CIAO2A: variants seen among roughly 807,000 people sequenced by gnomAD.
The protein encoded by CIAO2A is MIP18 family protein FAM96A.
Under a neutral mutation model 22.4 loss-of-function variants are expected in CIAO2A, and 17 were observed. That is an observed-to-expected ratio of 0.76 (90% CI 0.52 to 1.14). The LOEUF (loss-of-function observed/expected upper bound fraction) is 1.14, where lower values mean the gene tolerates loss of function less well. CIAO2A is among the 50% of genes most tolerant of loss of function. CIAO2A has a pLI of 0.00. For synonymous variants in CIAO2A, 74 were observed against 72.3 expected, an observed-to-expected ratio of 1.02 and a Z score of -0.12; for missense variants, 192 against 191.4, an observed-to-expected ratio of 1.00 and a Z score of -0.02.
At chr15:64,080,360 C>T (rs1460525126) in intron 3 of CIAO2A, among the ~76,000 whole-genome samples, 3 of 151,832 alleles carry the variant, frequency 2.0e-5, no homozygotes, top group Non-Finnish European at 2.9e-5. Context: ...TGCACTCCAG[C>T]CTGGCGACAG....
chr15:64,083,648 TA>T lies in CIAO2A; in HGVS notation c.290-2498del, dbSNP rs1157445100. On this transcript the variant is annotated intron_variant, in intron 2 of 4. Coordinates refer to ENST00000300030, the MANE Select transcript of CIAO2A (RefSeq NM_032231.7). ...TATGATACACTATTATACAATTCTC[TA>T]AAAAACCAATAGGCCGGGTGTGGCA... 1.3e-5 allele frequency among the ~76,000 whole-genome samples: 2 copies of T among 151,986 alleles called. 1 individual carries two copies. Among genetic ancestry groups the T allele is most frequent in the African/African-American group, 4.8e-5 (2 of 41,380 alleles).
rs2080817029 is a variant in CIAO2A at position 64,088,746 on chromosome 15, T to C, written c.230A>G (p.Tyr77Cys). The change falls in exon 2 of 5, where the codon TAT becomes TGT. Residue 77 changes from tyrosine (Y) to cysteine (C), a missense_variant. By Grantham distance (194) the Tyr-to-Cys change is radical (BLOSUM62 -2). Coordinates refer to ENST00000300030, the MANE Select transcript of CIAO2A (RefSeq NM_032231.7). Reference protein sequence around the residue: ...VEVQEINEEEYLVIIRFTPTV... With the variant: ...VEVQEINEEECLVIIRFTPTV... ...TGGCGTGAACCTGATAATAACCAGA[T>C]ATTCTTCTTCATTTATCTCCTGAAC... 6.2e-7 allele frequency: 1 copy of C among 1,613,886 alleles called. No homozygotes were observed. The highest frequency in any genetic ancestry group is 1.3e-5 in the African/African-American group (1 of 74,918).
At chr15:64,084,373 G>T (rs1311880600) in intron 2 of CIAO2A, among the ~76,000 whole-genome samples, 1 of 152,012 alleles carries the variant, frequency 6.6e-6, no homozygotes, top group African/African-American at 2.4e-5. Flanking sequence ...TCCAGATAGG[G>T]ATTTACCAAT....
rs1009288462 is a variant in CIAO2A at position 64,072,902 on chromosome 15, T to C, written c.*29A>G. ...GAGTTTAAACAAATATATCAAACAA[T>C]TACAGGCCAGTGGCTCTTAAAACAG... On this transcript the variant is annotated 3_prime_UTR_variant, in exon 5 of 5. Coordinates refer to ENST00000300030, the MANE Select transcript of CIAO2A (RefSeq NM_032231.7). 1 of 1,414,942 alleles carries C rather than the reference T, an allele frequency of 7.1e-7. No homozygotes were observed. The highest frequency in any genetic ancestry group is 1.0e-6 in the Non-Finnish European group (1 of 1,001,872). The allele number at this position is 1,414,942 out of a possible 1,614,324, so 87.6% of individuals were successfully genotyped here. A position where few individuals can be genotyped will look rare whatever the true frequency, so the allele number is the denominator to read the frequency against.
chr15:64,081,664 G>A (rs899607633), intron 2 of CIAO2A, among the ~76,000 whole-genome samples: 2 of 151,178 alleles, frequency 1.3e-5, no homozygotes, highest in Non-Finnish European at 2.9e-5. Context: ...AGCCTCCCAA[G>A]TAGCTGGGAT....
chr15:64,092,476 C>G (rs2080848079), intron 1 of CIAO2A, among the ~76,000 whole-genome samples: 1 of 152,146 alleles, frequency 6.6e-6, no homozygotes, highest in Admixed American at 6.6e-5. Context: ...AGTCTACAGC[C>G]TTCTATTACA....
At chr15:64,086,876 G>A (rs2140113947) in intron 2 of CIAO2A, among the ~76,000 whole-genome samples, 1 of 151,716 alleles carries the variant, frequency 6.6e-6, no homozygotes, top group East Asian at 2.0e-4. Flanking sequence ...GCCTCCCAAA[G>A]TGCTGGGATT....
intron 3 of CIAO2A, among the ~76,000 whole-genome samples, chr15:64,078,551 G>A (rs1048788930): frequency 2.6e-5 from 4 of 150,976 alleles, no homozygotes; most frequent in East Asian, 2.0e-4. Context: ...CAGGATAATC[G>A]CTTGAACCCA....
At chr15:64,081,221 A>G (rs1301299770) in intron 2 of CIAO2A, 70 bp from the exon 3 acceptor site, 12 of 1,479,166 alleles carry the variant, frequency 8.1e-6, no homozygotes, top group Admixed American at 3.5e-5. Context: ...AAAGCATACA[A>G]CTGCGTTTAT....
intron 3 of CIAO2A, among the ~76,000 whole-genome samples, chr15:64,079,039 T>C (rs1032939070): frequency 6.6e-6 from 1 of 150,454 alleles, no homozygotes; most frequent in Non-Finnish European, 1.5e-5. Flanking sequence ...AGACCCTGTC[T>C]TTAAAAAAAA....
At chr15:64,075,653 C>A in intron 3 of CIAO2A, 116 bp from the exon 4 acceptor site, 6 of 383,134 alleles carry the variant, frequency 1.6e-5, no homozygotes, top group Non-Finnish European at 2.7e-5. Flanking sequence ...AATCCTGTTT[C>A]TTTTTTTTTT....
chr15:64,082,827 T>A (rs2080767190), intron 2 of CIAO2A, among the ~76,000 whole-genome samples: 1 of 152,224 alleles, frequency 6.6e-6, no homozygotes, highest in Non-Finnish European at 1.5e-5. Context: ...GTTTCAAAAG[T>A]AGCTTCACTA....
At chr15:64,073,527 A>G (rs779879302) in intron 4 of CIAO2A, among the ~76,000 whole-genome samples, 2 of 152,194 alleles carry the variant, frequency 1.3e-5, no homozygotes, top group Non-Finnish European at 2.9e-5. Context: ...ACTTCCTAAA[A>G]TTACTCACCA....
chr15:64,074,659 T>C (rs1471453842), intron 4 of CIAO2A: 2 of 152,214 alleles, frequency 1.3e-5, no homozygotes, highest in African/African-American at 4.8e-5. Context: ...AAAAGTTTCC[T>C]GGATAGGCTG....
chr15:64,085,000 G>A (rs1000627963), intron 2 of CIAO2A, among the ~76,000 whole-genome samples: 34 of 150,632 alleles, frequency 2.3e-4, no homozygotes, highest in Non-Finnish European at 2.9e-5. Context: ...GGCTGAAGCG[G>A]AGAATCACTT....
At chr15:64,090,412 G>A (rs1402947770) in intron 1 of CIAO2A, 1 of 152,646 alleles carries the variant, frequency 6.6e-6, no homozygotes, top group East Asian at 1.9e-4. Context: ...TGATTTAATT[G>A]GTTTGCTGGC....
chr15:64,075,479 A>T lies in CIAO2A; in HGVS notation c.385+13T>A, dbSNP rs756119799. On this transcript the variant is annotated intron_variant, in intron 4 of 4. Coordinates refer to ENST00000300030, the MANE Select transcript of CIAO2A (RefSeq NM_032231.7). ...TGAAGTTGTTTTTCAATTATGTTTC[A>T]ACATTCACTTACTGTCTTCTTCTGT... 6.5e-7 allele frequency: 1 copy of T among 1,533,636 alleles called. No individual in the cohort carries two copies. The highest frequency in any genetic ancestry group is 8.9e-7 in the Non-Finnish European group (1 of 1,126,192).
At chr15:64,082,065 G>A (rs1018427119) in intron 2 of CIAO2A, among the ~76,000 whole-genome samples, 1 of 152,076 alleles carries the variant, frequency 6.6e-6, no homozygotes, top group South Asian at 2.1e-4. Context: ...CAGCAATACA[G>A]CAAGATATAA....
chr15:64,085,399 G>A (rs2080786203), intron 2 of CIAO2A, among the ~76,000 whole-genome samples: 1 of 152,158 alleles, frequency 6.6e-6, no homozygotes, highest in African/African-American at 2.4e-5. Context: ...TCAGGAGACT[G>A]AGGTGGGAGG....
Sources: gnomAD v4.1 joint callset for allele counts (sites outside exome capture counted in the v4.1 genomes callset) on GRCh38, gnomAD v4.1.1 for gene constraint, MANE v1.5 for transcripts, NCBI Gene and HGNC (gene_info 2026-07-23, HGNC 2026-07-21) for gene names.